The following OR2F1 variants were observed in gnomAD, a reference collection of about 807,000 sequenced individuals.
OR2F1 encodes olfactory receptor family 2 subfamily F member 1.
For missense variants in OR2F1, 389 were observed against 378.2 expected (o/e 1.03, Z -0.24); for synonymous variants, 146 against 155.3 (o/e 0.94, Z 0.44).
chr7:143,960,035 A>T lies in OR2F1; in HGVS notation c.65A>T (p.Asp22Val). 1 of 1,614,080 alleles carries T rather than the reference A, an allele frequency of 6.2e-7. No individual in the cohort carries two copies. The highest frequency in any genetic ancestry group is 1.1e-5 in the South Asian group (1 of 91,066). Reference protein sequence around the residue: ...FILLGLSSDWDTRVSLFVLFL... With the variant: ...FILLGLSSDWVTRVSLFVLFL... ...CTCCTCGGCCTGTCCAGTGACTGGG[A>T]CACTCGGGTCTCCCTGTTTGTCCTG... is the stretch of plus-strand genomic sequence containing the variant. Residue 22 changes from aspartate (D) to valine (V), a missense_variant, in exon 3 of 3, where the codon GAC (aspartate) becomes GTC (valine). Asp to Val is a radical substitution (Grantham distance 152). Coordinates refer to ENST00000641412, the MANE Select transcript of OR2F1 (RefSeq NM_012369.3).
intron 1 of OR2F1, among the ~76,000 whole-genome samples, chr7:143,958,689 G>A (rs2050302271): frequency 6.6e-6 from 1 of 151,290 alleles, no homozygotes; most frequent in Non-Finnish European, 1.5e-5. Flanking sequence ...CATGGAATAA[G>A]AAGGAATTGG....
chr7:143,958,718 A>C (rs997829636), intron 1 of OR2F1, among the ~76,000 whole-genome samples: 1 of 151,980 alleles, frequency 6.6e-6, no homozygotes, highest in African/African-American at 2.4e-5. Context: ...TTTTTTTACA[A>C]TGTAATTTGT....
Position 143,961,267 on chromosome 7 carries a change from A to C in OR2F1, c.*343A>C. 1 of 210,782 alleles carries C rather than the reference A, an allele frequency of 4.7e-6. No individual in the cohort carries two copies. The allele number at this position is 210,782 out of a possible 1,614,324, so 13.1% of individuals were successfully genotyped here. ...CTACTCATGGATCTTACCTTGGACCACTGGTACTTACACATCCACATTTTA... is the reference window on the plus strand; with the variant it reads ...CTACTCATGGATCTTACCTTGGACCCCTGGTACTTACACATCCACATTTTA... On this transcript the variant is annotated 3_prime_UTR_variant, in exon 3 of 3. Coordinates refer to ENST00000641412, the MANE Select transcript of OR2F1 (RefSeq NM_012369.3).
chr7:143,960,875 A>G lies in OR2F1; in HGVS notation c.905A>G (p.Gln302Arg), dbSNP rs763090065. Residue 302 changes from glutamine to arginine, a missense_variant, in exon 3 of 3, where the codon CAG (glutamine) becomes CGG (arginine). Coordinates refer to ENST00000641412, the MANE Select transcript of OR2F1 (RefSeq NM_012369.3). Reference protein sequence around the residue: ...LRNKEVKGAWQKLLWKFSGLT... With the variant: ...LRNKEVKGAWRKLLWKFSGLT... Reference sequence around the variant, plus strand: ...AATAAAGAGGTGAAGGGGGCCTGGCAGAAACTATTATGGAAATTCTCTGGG... The same window carrying G: ...AATAAAGAGGTGAAGGGGGCCTGGCGGAAACTATTATGGAAATTCTCTGGG... 2 of 1,613,472 alleles carry G rather than the reference A, an allele frequency of 1.2e-6. No individual in the cohort carries two copies. The highest frequency in any genetic ancestry group is 1.3e-5 in the African/African-American group (1 of 75,004).
In OR2F1 at chr7:143,961,249, T is replaced by C. The variant is rs896668825; in HGVS notation, c.*325T>C. 4.0e-6 allele frequency: 1 copy of C among 247,140 alleles called. No individual in the cohort carries two copies. The allele number at this position is 247,140 out of a possible 1,614,324, so 15.3% of individuals were successfully genotyped here. The stretch of plus-strand genomic sequence containing the variant: ...TCGTTTGTAATGATAGACCTACTCA[T>C]GGATCTTACCTTGGACCACTGGTAC... On this transcript the variant is annotated 3_prime_UTR_variant, in exon 3 of 3. Coordinates refer to ENST00000641412, the MANE Select transcript of OR2F1 (RefSeq NM_012369.3).
rs1450584987 is a variant in OR2F1 at position 143,960,176 on chromosome 7, T to G, written c.206T>G (p.Val69Gly). ...TTCTTTCTCACCAACCTCTCCCTTG[T>G]CGATGTCTCCTATGCCACAAGTGTA... ...MYFFLTNLSL[V>G]DVSYATSVVP... The change falls in exon 3 of 3, where the codon GTC (valine) becomes GGC (glycine). Residue 69 changes from valine to glycine, a missense_variant. By Grantham distance (109) the Val-to-Gly change is moderately radical. Coordinates refer to ENST00000641412, the MANE Select transcript of OR2F1 (RefSeq NM_012369.3). The G allele has an allele frequency of 1.2e-5, 19 of 1,614,070 alleles. No individual in the cohort carries two copies. Among genetic ancestry groups the G allele is most frequent in the Non-Finnish European group, 1.5e-5 (18 of 1,180,050 alleles).
intron 1 of OR2F1, among the ~76,000 whole-genome samples, chr7:143,956,822 G>A (rs1586835719): frequency 1.3e-5 from 2 of 152,148 alleles, no homozygotes; most frequent in Non-Finnish European, 2.9e-5. Context: ...GGAATAAAGA[G>A]GGAAAAGGTA....
At chr7:143,959,527 T>G (rs762267339) in intron 2 of OR2F1, among the ~76,000 whole-genome samples, 12 of 152,206 alleles carry the variant, frequency 7.9e-5, no homozygotes, top group Non-Finnish European at 1.6e-4. Context: ...ATCTTTCCTT[T>G]TGTAGTAGAT....
chr7:143,957,808 A>G (rs1165799247), intron 1 of OR2F1, among the ~76,000 whole-genome samples: 1 of 152,166 alleles, frequency 6.6e-6, no homozygotes, highest in Non-Finnish European at 1.5e-5. Context: ...CAGCTGGCCA[A>G]TATCAGGCAC....
chr7:143,957,813 A>G (rs1028283142), intron 1 of OR2F1, among the ~76,000 whole-genome samples: 11 of 152,192 alleles, frequency 7.2e-5, no homozygotes, highest in Admixed American at 7.2e-4. Flanking sequence ...GGCCAATATC[A>G]GGCACATTTC....
Position 143,961,465 on chromosome 7 carries a change from G to A in OR2F1, c.*541G>A, listed in dbSNP as rs1265952501. ...TGTTTTTGTGCAGGACCTACAAAAG[G>A]TGAACATAATGTCTTCTCCTGAGTG... is the stretch of plus-strand genomic sequence containing the variant. On this transcript the variant is annotated 3_prime_UTR_variant, in exon 3 of 3. Transcript: ENST00000641412. The A allele has an allele frequency of 6.5e-6, 1 of 154,354 alleles. No individual in the cohort carries two copies. 9.6% of individuals were successfully genotyped at this position (154,354 alleles called of 1,614,324 possible).
In OR2F1 at chr7:143,960,077, T is replaced by A; in HGVS notation, c.107T>A (p.Val36Glu). Residue 36 changes from valine (V) to glutamate (E), a missense_variant, in exon 3 of 3, where the codon GTG becomes GAG. Physicochemically the swap from Val to Glu is moderately radical, Grantham distance 121. Coordinates refer to ENST00000641412, the MANE Select transcript of OR2F1 (RefSeq NM_012369.3). ...TTTGTCCTGTTCTTGGTCATGTATG[T>A]GGTGACCGTGCTGGGGAACTGTCTC... Reference protein sequence around the residue: ...SLFVLFLVMYVVTVLGNCLIV... With the variant: ...SLFVLFLVMYEVTVLGNCLIV... 6.2e-7 allele frequency: 1 copy of A among 1,614,174 alleles called. No homozygotes were observed.
chr7:143,958,558 C>T (rs184579857), intron 1 of OR2F1, among the ~76,000 whole-genome samples: 8 of 152,232 alleles, frequency 5.3e-5, no homozygotes, highest in South Asian at 2.1e-4. Context: ...CTTTCCCTTG[C>T]GAGTAAGAGA....
At position 143,961,218 on chromosome 7, in the gene OR2F1, G is replaced by T; in HGVS notation, c.*294G>T. 1 of 330,842 alleles carries T rather than the reference G, an allele frequency of 3.0e-6. No homozygotes were observed. Among genetic ancestry groups the T allele is most frequent in the Non-Finnish European group, 5.6e-6 (1 of 178,614 alleles). The allele number at this position is 330,842 out of a possible 1,614,324, so 20.5% of individuals were successfully genotyped here. On this transcript the variant is annotated 3_prime_UTR_variant, in exon 3 of 3. Coordinates refer to ENST00000641412, the MANE Select transcript of OR2F1 (RefSeq NM_012369.3). ...AAATTACTACTTACTGTTTTGATTTGTCATATCGTTTGTAATGATAGACCT... is the reference window on the plus strand; with the variant it reads ...AAATTACTACTTACTGTTTTGATTTTTCATATCGTTTGTAATGATAGACCT...
rs2116938956 is a variant in OR2F1 at position 143,961,263 on chromosome 7, G to GCA, written c.*339_*340insCA. The GCA allele has an allele frequency of 4.5e-6, 1 of 220,214 alleles. No individual in the cohort carries two copies. The highest frequency in any genetic ancestry group is 9.6e-5 in the East Asian group (1 of 10,440). The allele number at this position is 220,214 out of a possible 1,614,324, so 13.6% of individuals were successfully genotyped here. Reference sequence around the variant, plus strand: ...AGACCTACTCATGGATCTTACCTTGGACCACTGGTACTTACACATCCACAT... The same window carrying GCA: ...AGACCTACTCATGGATCTTACCTTGGCAACCACTGGTACTTACACATCCACAT... On this transcript the variant is annotated 3_prime_UTR_variant, in exon 3 of 3. Transcript: ENST00000641412.
chr7:143,955,205 A>T (rs920550096), intron 1 of OR2F1, 102 bp downstream of exon 1: 2 of 152,266 alleles, frequency 1.3e-5, no homozygotes, highest in East Asian at 3.9e-4. Flanking sequence ...ATGTGATGTG[A>T]TGCATATATT....
chr7:143,955,965 T>C (rs898368267), intron 1 of OR2F1, among the ~76,000 whole-genome samples: 1 of 152,192 alleles, frequency 6.6e-6, no homozygotes, highest in African/African-American at 2.4e-5. Flanking sequence ...ATAGGACTAT[T>C]AGCTGTGTTC....
rs757483233 is a variant in OR2F1 at position 143,960,000 on chromosome 7, T to A, written c.30T>A (p.Ser10Arg). ...GAACAGATAACCAGACTTGGGTGAG[T>A]GAATTTATTCTCCTCGGCCTGTCCA... MGTDNQTWV[S>R]EFILLGLSSD... The change falls in exon 3 of 3, where the codon AGT (serine) becomes AGA (arginine). Residue 10 changes from serine to arginine, a missense_variant. Ser to Arg is a moderately radical substitution (Grantham distance 110). Coordinates refer to ENST00000641412, the MANE Select transcript of OR2F1 (RefSeq NM_012369.3). The A allele has an allele frequency of 1.2e-6, 2 of 1,610,446 alleles. No homozygotes were observed. Among genetic ancestry groups the A allele is most frequent in the African/African-American group, 2.7e-5 (2 of 74,764 alleles).
chr7:143,960,388 C>A lies in OR2F1; in HGVS notation c.418C>A (p.Leu140Met). 6.2e-7 allele frequency: 1 copy of A among 1,614,174 alleles called. No individual in the cohort carries two copies. The highest frequency in any genetic ancestry group is 1.1e-5 in the South Asian group (1 of 91,078). Reference protein sequence around the residue: ...LRYSAIMHGGLCARLAITSWV... With the variant: ...LRYSAIMHGGMCARLAITSWV... ...ATACTCGGCCATCATGCATGGAGGG[C>A]TGTGTGCTAGGTTGGCCATCACATC... Residue 140 changes from leucine (L) to methionine (M), a missense_variant, in exon 3 of 3, where the codon CTG (leucine) becomes ATG (methionine). Leu to Met is a conservative substitution (Grantham distance 15). Transcript: ENST00000641412.
Sources: allele counts gnomAD v4.1 joint callset (sites outside exome capture counted in the v4.1 genomes callset), GRCh38; gene constraint gnomAD v4.1.1; transcripts MANE v1.5; gene names NCBI Gene and HGNC (gene_info 2026-07-23, HGNC 2026-07-21).